Variants in MRPL47 observed in about 807,000 individuals in gnomAD.
MRPL47 encodes the protein large ribosomal subunit protein uL29m.
A neutral mutation model predicts 34.0 loss-of-function variants in MRPL47; 31 were observed. That is an observed-to-expected ratio of 0.91 (90% CI 0.68 to 1.23). The LOEUF (loss-of-function observed/expected upper bound fraction) is 1.23. Among genes scored for constraint, MRPL47 ranks in the 50% most tolerant of loss-of-function variants. MRPL47 has a pLI of 0.00. For missense variants in MRPL47, 328 were observed against 285.8 expected, an observed-to-expected ratio of 1.15 and a Z score of -1.07; for synonymous variants, 106 against 101.6, an observed-to-expected ratio of 1.04 and a Z score of -0.26.
Position 179,602,759 on chromosome 3 carries a change from A to T in MRPL47, c.137T>A (p.Val46Glu). 6.2e-7 allele frequency: 1 copy of T among 1,611,924 alleles called. No homozygotes were observed. Among genetic ancestry groups the T allele is most frequent in the East Asian group, 2.2e-5 (1 of 44,828 alleles). The change falls in exon 2 of 7, where the codon GTG becomes GAG. Residue 46 changes from valine to glutamate, a missense_variant. Physicochemically the swap from Val to Glu is moderately radical, Grantham distance 121. Coordinates refer to ENST00000476781, the MANE Select transcript of MRPL47 (RefSeq NM_020409.3). Reference protein sequence around the residue: ...LSLLPKSTPNVTSFHQYRLLH... With the variant: ...LSLLPKSTPNETSFHQYRLLH... ...TAATCTATATTGGTGAAAGGATGTC[A>T]CATTTGGTGTACTCTTAGGCAACAA...
chr3:179,604,247 T>C (rs1210204028), intron 1 of MRPL47, among the ~76,000 whole-genome samples: 1 of 152,216 alleles, frequency 6.6e-6, no homozygotes, highest in Non-Finnish European at 1.5e-5. Flanking sequence ...AAGAGGATGC[T>C]TCTGTACTTA....
chr3:179,592,373 T>G (rs1298745831), intron 6 of MRPL47, among the ~76,000 whole-genome samples: 1 of 152,008 alleles, frequency 6.6e-6, no homozygotes, highest in Non-Finnish European at 1.5e-5. Flanking sequence ...TTTTTGTATA[T>G]TTAGTAGAGA....
At chr3:179,593,928 A>C (rs767702141) in intron 4 of MRPL47, 33 bp from the exon 5 acceptor site, 4 of 1,588,740 alleles carry the variant, frequency 2.5e-6, no homozygotes, top group Non-Finnish European at 3.4e-6. Flanking sequence ...CAATTTCAAC[A>C]ATCATCTACT....
chr3:179,598,916 T>A, intron 3 of MRPL47, 145 bp from the exon 4 acceptor site: 1 of 579,644 alleles, frequency 1.7e-6, no homozygotes, highest in Non-Finnish European at 3.2e-6. Context: ...CCCAGCACTT[T>A]GGGAGGCTGA....
chr3:179,588,887 CTT>C lies in MRPL47; in HGVS notation c.736_737del (p.Lys246ValfsTer11), dbSNP rs745516366. On this transcript the variant is annotated frameshift_variant, in exon 7 of 7. Coordinates refer to ENST00000476781, the MANE Select transcript of MRPL47 (RefSeq NM_020409.3). LOFTEE classifies it high-confidence loss of function. ...TTCAGACATCTTAGACAAGACTTGA[CTT>C]TTGGGCTTCAGCAAGATGTGGAAAC... The part of the protein sequence containing the change: ...KKFPHLAEAQ[K>X]SSLV 48 of 1,613,086 alleles carry C rather than the reference CTT, an allele frequency of 3.0e-5. No individual in the cohort carries two copies. Among genetic ancestry groups the C allele is most frequent in the Non-Finnish European group, 4.1e-5 (48 of 1,179,662 alleles).
Position 179,592,721 on chromosome 3 carries a change from C to T in MRPL47, c.552G>A (p.Trp184Ter). 6.2e-7 allele frequency: 1 copy of T among 1,613,256 alleles called. No individual in the cohort carries two copies. The highest frequency in any genetic ancestry group is 8.5e-7 in the Non-Finnish European group (1 of 1,179,444). ...TTTTATTTAGGTGCCAAGGTATAACCCACTGCTTGAACTTGTGCCTGCCAA... is the reference window on the plus strand; with the variant it reads ...TTTTATTTAGGTGCCAAGGTATAACTCACTGCTTGAACTTGTGCCTGCCAA... ...GRIIWHKFKQ[W>*]VIPWHLNKRY... is the part of the protein sequence containing the mutation. The change falls in exon 6 of 7, where the codon TGG becomes TGA. Residue 184 changes from tryptophan (W) to a stop codon, truncating the protein, a stop_gained. Transcript: ENST00000476781. LOFTEE classifies it high-confidence loss of function.
At chr3:179,589,049 C>T in intron 6 of MRPL47, 54 bp from the exon 7 acceptor site, 1 of 1,526,946 alleles carries the variant, frequency 6.5e-7, no homozygotes, top group East Asian at 2.3e-5. Context: ...CCTTGTTATT[C>T]AATACTATCA....
chr3:179,598,427 AAC>A (rs1468897949), intron 4 of MRPL47, among the ~76,000 whole-genome samples: 41 of 49,154 alleles, frequency 8.3e-4, no homozygotes, highest in South Asian at 5.2e-3. Flanking sequence ...CACACACACA[AAC>A]AAAAAAAAAA....
chr3:179,591,732 A>G (rs947455391), intron 6 of MRPL47, among the ~76,000 whole-genome samples: 1 of 152,236 alleles, frequency 6.6e-6, no homozygotes, highest in Admixed American at 6.5e-5. Flanking sequence ...TCATTTTAAC[A>G]TAACAGTAGA....
chr3:179,592,623 A>ATTAAAGGTGC (rs1718701988), intron 6 of MRPL47, 21 bp downstream of exon 6: 1 of 1,442,740 alleles, frequency 6.9e-7, no homozygotes, highest in Non-Finnish European at 9.8e-7. Context: ...AATATGTTTT[A>ATTAAAGGTGC]TTAAAGGTGC....
At chr3:179,602,595 G>T in intron 2 of MRPL47, 57 bp downstream of exon 2, 1 of 775,708 alleles carries the variant, frequency 1.3e-6, no homozygotes, top group South Asian at 1.8e-5. Context: ...TGGTTGGGCG[G>T]GGCGGGGGGG....
chr3:179,588,964 CTT>C lies in MRPL47; in HGVS notation c.659_660del (p.Lys220SerfsTer23). The C allele has an allele frequency of 1.9e-6, 3 of 1,613,312 alleles. No homozygotes were observed. Among genetic ancestry groups the C allele is most frequent in the Non-Finnish European group, 1.7e-6 (2 of 1,179,626 alleles). On this transcript the variant is annotated frameshift_variant, in exon 7 of 7. Coordinates refer to ENST00000476781, the MANE Select transcript of MRPL47 (RefSeq NM_020409.3). LOFTEE classifies it high-confidence loss of function. The part of the protein sequence containing the change: ...RLEREKRARI[K>X]ARKENLERKK... The stretch of plus-strand genomic sequence containing the variant: ...TTTCTCTCTAAATTTTCCTTCCGTG[CTT>C]TGATGCGGGCTCGTTTCTCACGTTC...
chr3:179,599,569 T>A (rs1164075646), intron 3 of MRPL47, among the ~76,000 whole-genome samples: 1 of 152,238 alleles, frequency 6.6e-6, no homozygotes, highest in South Asian at 2.1e-4. Flanking sequence ...CCCTGATCTC[T>A]GTGTATAAAA....
At chr3:179,603,493 C>T (rs545487176) in intron 1 of MRPL47, among the ~76,000 whole-genome samples, 12 of 152,242 alleles carry the variant, frequency 7.9e-5, no homozygotes, top group East Asian at 1.9e-4. Context: ...GAGCTGAGAT[C>T]ACACCATTGC....
Position 179,588,579 on chromosome 3 carries a change from T to G in MRPL47, c.*293A>C, listed in dbSNP as rs1380980877. ...TCAAAAACTACGGTATTGCCTTTGC[T>G]GTGGCAGTTACCATCACCTTCACAC... On this transcript the variant is annotated 3_prime_UTR_variant, in exon 7 of 7. Transcript: ENST00000476781. The G allele has an allele frequency of 2.2e-5, 5 of 226,076 alleles. No homozygotes were observed. The highest frequency in any genetic ancestry group is 4.3e-5 in the Non-Finnish European group (5 of 115,516). The allele number at this position is 226,076 out of a possible 1,614,324, so 14.0% of individuals were successfully genotyped here. A position where few individuals can be genotyped will look rare whatever the true frequency, so the allele number is the denominator to read the frequency against.
intron 6 of MRPL47, 68 bp from the exon 7 acceptor site, chr3:179,589,063 T>TA: frequency 9.0e-6 from 13 of 1,451,548 alleles, no homozygotes; most frequent in Non-Finnish European, 1.1e-5. Flanking sequence ...ACTATCAAAA[T>TA]ATGCATAAAT....
intron 3 of MRPL47, among the ~76,000 whole-genome samples, chr3:179,601,485 G>A (rs1332654445): frequency 6.6e-6 from 1 of 152,210 alleles, no homozygotes; most frequent in Non-Finnish European, 1.5e-5. Context: ...AAACATGTTA[G>A]TAGGACCAAT....
chr3:179,591,472 A>G (rs73883567), intron 6 of MRPL47, among the ~76,000 whole-genome samples: 3 of 152,194 alleles, frequency 2.0e-5, no homozygotes, highest in Non-Finnish European at 4.4e-5. Flanking sequence ...TTAAGTTTGT[A>G]TAGTTACCAG....
In MRPL47 at chr3:179,588,988, G is replaced by T. The variant is rs375091834; in HGVS notation, c.637C>A (p.Arg213Ser). Residue 213 changes from arginine to serine, a missense_variant, in exon 7 of 7, where the codon CGT (arginine) becomes AGT (serine). By Grantham distance (110) the Arg-to-Ser change is moderately radical. Transcript: ENST00000476781. ...GCTTTGATGCGGGCTCGTTTCTCAC[G>T]TTCCAGTCTAGAATAAAAAAAGCGT... ...PYVDHFLRLE[R>S]EKRARIKARK... is the part of the protein sequence containing the mutation. 1.2e-6 allele frequency: 2 copies of T among 1,605,316 alleles called. No homozygotes were observed. The highest frequency in any genetic ancestry group is 1.7e-6 in the Non-Finnish European group (2 of 1,177,332).
Sources: allele counts gnomAD v4.1 joint callset (sites outside exome capture counted in the v4.1 genomes callset), GRCh38; gene constraint gnomAD v4.1.1; transcripts MANE v1.5; gene names NCBI Gene and HGNC (gene_info 2026-07-23, HGNC 2026-07-21).